Variants in BBIP1 observed in about 807,000 individuals in gnomAD.
The protein encoded by BBIP1 is BBSome interacting protein 1.
In BBIP1, 6 loss-of-function variants were observed where a neutral mutation model predicts 8.9. That is an observed-to-expected ratio of 0.67 (90% CI 0.37 to 1.33). BBIP1 has a LOEUF of 1.33. Among genes scored for constraint, BBIP1 ranks in the 40% most tolerant of loss-of-function variants. The pLI, the probability that BBIP1 is intolerant of heterozygous loss-of-function variation, is 0.02. For missense variants in BBIP1, 111 were observed against 109.2 expected (o/e 1.02, Z -0.07); for synonymous variants, 32 against 33.4 (o/e 0.96, Z 0.14).
Position 110,900,490 on chromosome 10 carries a change from A to AGCACCATTG in BBIP1, c.140_148dup (p.Val49_Leu50insProMetVal). On this transcript the variant is annotated inframe_insertion, in exon 4 of 4. Transcript: ENST00000448814. ...TAAGGGTAAAAGTTTGGGTTTACAC[A>AGCACCATTG]GCACCATTGTCATTATATCTTCCAC... 6.5e-7 allele frequency: 1 copy of AGCACCATTG among 1,535,098 alleles called. No homozygotes were observed. Among genetic ancestry groups the AGCACCATTG allele is most frequent in the South Asian group, 1.2e-5 (1 of 83,862 alleles).
At chr10:110,908,925 T>C (rs1421753852) in intron 2 of BBIP1, among the ~76,000 whole-genome samples, 1 of 152,200 alleles carries the variant, frequency 6.6e-6, no homozygotes, top group African/African-American at 2.4e-5. Context: ...TGAACAGATC[T>C]AAAATGTATT....
intron 2 of BBIP1, 99 bp downstream of exon 2, chr10:110,918,022 G>A: frequency 9.9e-7 from 1 of 1,013,992 alleles, no homozygotes; most frequent in Non-Finnish European, 1.5e-6. Context: ...AGTTCATTTT[G>A]GCTGGCGTGT....
intron 2 of BBIP1, chr10:110,907,641 A>G (rs774118437): frequency 2.3e-5 from 14 of 618,032 alleles, no homozygotes; most frequent in Non-Finnish European, 3.5e-5. Context: ...CAGACACTAC[A>G]TATAAAAGTT....
chr10:110,907,471 C>A (rs532427737), intron 2 of BBIP1: 11 of 401,998 alleles, frequency 2.7e-5, no homozygotes, highest in African/African-American at 2.1e-4. Flanking sequence ...TATGATCACG[C>A]CACTGCATTC....
chr10:110,905,905 AAAG>A (rs772760748), intron 2 of BBIP1, among the ~76,000 whole-genome samples: 32 of 135,382 alleles, frequency 2.4e-4, no homozygotes, highest in South Asian at 7.3e-4. Flanking sequence ...CCATTAATAA[AAAG>A]AAGATCATTT....
rs1464179725 is a variant in BBIP1 at position 110,901,594 on chromosome 10, T to C, written c.56A>G (p.Asn19Ser). 1 of 1,535,454 alleles carries C rather than the reference T, an allele frequency of 6.5e-7. No individual in the cohort carries two copies. Among genetic ancestry groups the C allele is most frequent in the African/African-American group, 1.4e-5 (1 of 73,148 alleles). ...PELSGKNTIS[N>S]NSDMAEVKSM... ...CTTCACTTCTGCCATATCTGAGTTG[T>C]TGGATATAGTGTTTTTTCCTTCAAT... The change falls in exon 3 of 4, where the codon AAC (asparagine) becomes AGC (serine). Residue 19 changes from asparagine (N) to serine (S), a missense_variant. Transcript: ENST00000448814.
chr10:110,905,201 A>T (rs1205439334), intron 2 of BBIP1, among the ~76,000 whole-genome samples: 1 of 152,224 alleles, frequency 6.6e-6, no homozygotes, highest in African/African-American at 2.4e-5. Context: ...TAGGAGTGAG[A>T]GTTAAAACGC....
At chr10:110,909,694 G>C (rs1846229860) in intron 2 of BBIP1, among the ~76,000 whole-genome samples, 1 of 152,194 alleles carries the variant, frequency 6.6e-6, no homozygotes, top group Admixed American at 6.5e-5. Context: ...GAAATTGTGA[G>C]TTAATAGGCC....
chr10:110,908,109 ATAAC>A, intron 2 of BBIP1: 1 of 199,962 alleles, frequency 5.0e-6, no homozygotes, highest in Non-Finnish European at 1.0e-5. Context: ...GTATTTACAA[ATAAC>A]TAATTTTGAA....
intron 2 of BBIP1, among the ~76,000 whole-genome samples, chr10:110,917,135 A>T (rs1846425360): frequency 6.6e-6 from 1 of 152,034 alleles, no homozygotes; most frequent in African/African-American, 2.4e-5. Flanking sequence ...TCACAGGGGG[A>T]AAAAAGATGG....
At position 110,918,210 on chromosome 10, in the gene BBIP1, G is replaced by A. The variant is rs1846476961; in HGVS notation, c.-53C>T. On this transcript the variant is annotated 5_prime_UTR_variant, in exon 2 of 4. Transcript: ENST00000448814. ...GAGTTCTTGACTCAAGCATACAGAA[G>A]AAACTACAAGATAATGTATGATAAC... The A allele has an allele frequency of 7.1e-7, 1 of 1,409,732 alleles. No individual in the cohort carries two copies. The highest frequency in any genetic ancestry group is 9.7e-7 in the Non-Finnish European group (1 of 1,032,538). The allele number at this position is 1,409,732 out of a possible 1,614,324, so 87.3% of individuals were successfully genotyped here.
At chr10:110,908,160 T>C (rs1564692343) in intron 2 of BBIP1, 1 of 159,252 alleles carries the variant, frequency 6.3e-6, no homozygotes, top group Non-Finnish European at 1.4e-5. Context: ...ATGTAACACT[T>C]ATTAAAATTA....
chr10:110,906,191 A>G (rs950977512), intron 2 of BBIP1, among the ~76,000 whole-genome samples: 3 of 151,936 alleles, frequency 2.0e-5, no homozygotes, highest in Admixed American at 1.3e-4. Context: ...TATTTCTAGT[A>G]GGGATGGGGT....
intron 2 of BBIP1, among the ~76,000 whole-genome samples, chr10:110,912,535 C>G (rs955130002): frequency 5.3e-5 from 8 of 152,092 alleles, no homozygotes; most frequent in African/African-American, 1.9e-4. Context: ...TGTGGTCACA[C>G]AGTGGACAGA....
At position 110,901,566 on chromosome 10, in the gene BBIP1, T is replaced by A; in HGVS notation, c.84A>T (p.Ser28=). 1 of 1,535,654 alleles carries A rather than the reference T, an allele frequency of 6.5e-7. No homozygotes were observed. The highest frequency in any genetic ancestry group is 8.7e-7 in the Non-Finnish European group (1 of 1,146,492). The change falls in exon 3 of 4, where the codon TCA becomes TCT. Residue 28 remains serine, a synonymous_variant. Transcript: ENST00000448814. ...SNNSDMAEVK[S]MFREVLPKQG... ...GCTTTGGAAGAACTTCCCGGAACAT[T>A]GACTTCACTTCTGCCATATCTGAGT...
intron 3 of BBIP1, chr10:110,900,905 C>T (rs1021593279): frequency 2.3e-5 from 5 of 219,970 alleles, no homozygotes; most frequent in Middle Eastern, 1.7e-3. Flanking sequence ...TTTAAACCTT[C>T]GGCTTTTCTT....
intron 2 of BBIP1, among the ~76,000 whole-genome samples, chr10:110,905,752 C>T (rs1317809973): frequency 6.6e-6 from 1 of 152,256 alleles, no homozygotes; most frequent in African/African-American, 2.4e-5. Flanking sequence ...TCACTTCATA[C>T]ACTGATGTTT....
chr10:110,914,030 G>GT (rs1846335722), intron 2 of BBIP1, among the ~76,000 whole-genome samples: 1 of 152,176 alleles, frequency 6.6e-6, no homozygotes, highest in South Asian at 2.1e-4. Flanking sequence ...CTTCACTTAG[G>GT]TAAGCACATG....
chr10:110,914,644 C>A (rs903915510), intron 2 of BBIP1, among the ~76,000 whole-genome samples: 3 of 152,176 alleles, frequency 2.0e-5, no homozygotes, highest in Admixed American at 6.5e-5. Context: ...AGATTCTATT[C>A]TGCTTTGCTA....
Sources: gnomAD v4.1 joint callset for allele counts (sites outside exome capture counted in the v4.1 genomes callset) on GRCh38, gnomAD v4.1.1 for gene constraint, MANE v1.5 for transcripts, NCBI Gene and HGNC (gene_info 2026-07-23, HGNC 2026-07-21) for gene names.